C12orf56: variants seen among roughly 807,000 people sequenced by gnomAD.
C12orf56 encodes the protein uncharacterized protein C12orf56.
A neutral mutation model predicts 69.9 loss-of-function variants in C12orf56; 71 were observed. That is an observed-to-expected ratio of 1.02 (90% CI 0.84 to 1.24). The LOEUF is 1.24. C12orf56 is among the 50% of genes most tolerant of loss of function. C12orf56 has a pLI of 0.00. For missense variants in C12orf56, 732 were observed against 738.5 expected, an observed-to-expected ratio of 0.99 and a Z score of 0.10; for synonymous variants, 276 against 274.1, an observed-to-expected ratio of 1.01 and a Z score of -0.07.
intron 1 of C12orf56, among the ~76,000 whole-genome samples, chr12:64,384,230 G>C (rs1256880152): frequency 6.6e-6 from 1 of 152,044 alleles, no homozygotes; most frequent in Non-Finnish European, 1.5e-5. Context: ...TGTGATCTTA[G>C]GTACTTACGC....
chr12:64,352,260 A>G (rs2039238235), intron 2 of C12orf56: 1 of 152,034 alleles, frequency 6.6e-6, no homozygotes, highest in Non-Finnish European at 1.5e-5. Flanking sequence ...GTCTCTTCTC[A>G]CTTTCAGGCC....
At chr12:64,362,870 G>A (rs1251573018) in intron 1 of C12orf56, among the ~76,000 whole-genome samples, 1 of 152,124 alleles carries the variant, frequency 6.6e-6, no homozygotes, top group Non-Finnish European at 1.5e-5. Flanking sequence ...AGACTATATA[G>A]GGTAACTTCC....
At chr12:64,351,207 T>C (rs1348204968) in intron 2 of C12orf56, among the ~76,000 whole-genome samples, 1 of 152,170 alleles carries the variant, frequency 6.6e-6, no homozygotes, top group Non-Finnish European at 1.5e-5. Context: ...CAAGCATAAA[T>C]ATAGCCACCA....
Position 64,312,267 on chromosome 12 carries a change from G to C in C12orf56, c.968+412C>G, listed in dbSNP as rs372823318. Among the ~76,000 whole-genome samples, 90 of 152,284 alleles carry C rather than the reference G, an allele frequency of 5.9e-4. No individual in the cohort carries two copies. In the East Asian group the frequency reaches 0.01, roughly 17 times the overall value. On this transcript the variant is annotated intron_variant, in intron 5 of 12. Transcript: ENST00000543942. Reference sequence around the variant, plus strand: ...CTTAACCGTCAGGGCAGGCAGATGAGGTAAAGGTATAACTGTGATAGCCAC... The same window carrying C: ...CTTAACCGTCAGGGCAGGCAGATGACGTAAAGGTATAACTGTGATAGCCAC...
At chr12:64,333,566 A>C (rs1380551810) in intron 2 of C12orf56, among the ~76,000 whole-genome samples, 1 of 152,184 alleles carries the variant, frequency 6.6e-6, no homozygotes, top group Non-Finnish European at 1.5e-5. Flanking sequence ...CAGTGGCACA[A>C]TCTCGGCTCA....
At chr12:64,382,210 C>G (rs931429793) in intron 1 of C12orf56, among the ~76,000 whole-genome samples, 1 of 147,362 alleles carries the variant, frequency 6.8e-6, no homozygotes, top group Non-Finnish European at 1.5e-5. Flanking sequence ...TATAGTGAGC[C>G]GAGATTGCAC....
chr12:64,386,822 C>A (rs1442319628), intron 1 of C12orf56, among the ~76,000 whole-genome samples: 1 of 147,578 alleles, frequency 6.8e-6, no homozygotes, highest in African/African-American at 2.4e-5. Flanking sequence ...TGACCCACTG[C>A]GCCCAGCCAT....
chr12:64,354,716 C>T (rs999182088), intron 1 of C12orf56, among the ~76,000 whole-genome samples: 5 of 150,502 alleles, frequency 3.3e-5, no homozygotes, highest in Admixed American at 6.6e-5. Flanking sequence ...ATCCATCCGC[C>T]TCAGCCTCCC....
intron 1 of C12orf56, among the ~76,000 whole-genome samples, chr12:64,384,115 C>A (rs942887968): frequency 3.3e-5 from 5 of 152,174 alleles, no homozygotes; most frequent in Non-Finnish European, 7.3e-5. Flanking sequence ...TTATTATTTT[C>A]TCCATTTCAT....
Position 64,294,809 on chromosome 12 carries a change from G to A in C12orf56, c.1114-8749C>T, listed in dbSNP as rs192804670. Among the ~76,000 whole-genome samples, 607 of 151,634 alleles carry A rather than the reference G, an allele frequency of 4.0e-3. 3 individuals are homozygous for A. Among genetic ancestry groups the A allele is most frequent in the Non-Finnish European group, 5.0e-3 (338 of 67,948 alleles). On this transcript the variant is annotated intron_variant, in intron 6 of 12. Coordinates refer to ENST00000543942, the MANE Select transcript of C12orf56 (RefSeq NM_001170633.2). ...TGAATAAACTTGATACCACTGAAAT[G>A]TATGCTTAAAAATGATTAAGGAAGT...
intron 8 of C12orf56, among the ~76,000 whole-genome samples, chr12:64,282,186 T>C (rs1333520940): frequency 2.0e-5 from 3 of 152,084 alleles, no homozygotes; most frequent in African/African-American, 7.2e-5. Context: ...TGAGACCTTG[T>C]CTCTACAAAA....
chr12:64,319,869 T>C (rs549897744), intron 3 of C12orf56, among the ~76,000 whole-genome samples: 1 of 152,342 alleles, frequency 6.6e-6, no homozygotes, highest in Admixed American at 6.5e-5. Context: ...CCCCTCCCTT[T>C]TATGGGAGCT....
intron 1 of C12orf56, among the ~76,000 whole-genome samples, chr12:64,378,834 T>C (rs1489223897): frequency 2.0e-5 from 3 of 151,936 alleles, no homozygotes; most frequent in Non-Finnish European, 4.4e-5. Flanking sequence ...GTGGATCACT[T>C]GAGGCCAGGA....
At chr12:64,308,920 GA>G (rs574937938) in intron 5 of C12orf56, among the ~76,000 whole-genome samples, 77 of 52,810 alleles carry the variant, frequency 1.5e-3, no homozygotes, top group Middle Eastern at 7.5e-3. Flanking sequence ...AAGAAAGAAA[GA>G]AAGAAAGAAA....
At chr12:64,385,880 A>G (rs1173065867) in intron 1 of C12orf56, among the ~76,000 whole-genome samples, 1 of 152,194 alleles carries the variant, frequency 6.6e-6, no homozygotes, top group East Asian at 1.9e-4. Flanking sequence ...CTGTCTAGGC[A>G]GCAGGCAAGG....
At chr12:64,332,302 C>A (rs1247419853) in intron 2 of C12orf56, among the ~76,000 whole-genome samples, 453 of 100,698 alleles carry the variant, frequency 4.5e-3, no homozygotes, top group Middle Eastern at 0.011. Context: ...GACTCCATCT[C>A]AAAAAAAAAA....
At chr12:64,316,433 G>A (rs1015734736) in intron 4 of C12orf56, among the ~76,000 whole-genome samples, 1 of 152,028 alleles carries the variant, frequency 6.6e-6, no homozygotes, top group African/African-American at 2.4e-5. Flanking sequence ...CTTGCTTATT[G>A]CCCAGGATGG....
chr12:64,390,202 A>G, intron 1 of C12orf56, 112 bp downstream of exon 1: 1 of 1,320,338 alleles, frequency 7.6e-7, no homozygotes, highest in Non-Finnish European at 1.0e-6. Flanking sequence ...AGAGGAGGGG[A>G]GTCGAGGGCA....
At chr12:64,339,791 C>T (rs1033617046) in intron 2 of C12orf56, among the ~76,000 whole-genome samples, 28 of 151,788 alleles carry the variant, frequency 1.8e-4, no homozygotes, top group African/African-American at 6.8e-4. Context: ...TCAACTCCTG[C>T]CTTAAGCAAT....
Sources: allele counts gnomAD v4.1 joint callset (sites outside exome capture counted in the v4.1 genomes callset), GRCh38; gene constraint gnomAD v4.1.1; transcripts MANE v1.5; gene names NCBI Gene and HGNC (gene_info 2026-07-23, HGNC 2026-07-21).